SDK1: variants seen among roughly 807,000 people sequenced by gnomAD.
The protein encoded by SDK1 is sidekick cell adhesion molecule 1.
In SDK1, 157 loss-of-function variants were observed where a neutral mutation model predicts 245.5. The observed-to-expected ratio is 0.64, with a 90% CI of 0.56 to 0.73. The LOEUF (loss-of-function observed/expected upper bound fraction) is 0.73, where lower values mean the gene tolerates loss of function less well. Among genes scored for constraint, SDK1 ranks in the 30% least tolerant of loss-of-function variants. The pLI, the probability that SDK1 is intolerant of heterozygous loss-of-function variation, is 0.00. For synonymous variants in SDK1, 1,647 were observed against 1,278.5 expected, an observed-to-expected ratio of 1.29 and a Z score of -6.15; for missense variants, 3,583 against 3,002.3, an observed-to-expected ratio of 1.19 and a Z score of -4.52.
intron 27 of SDK1, 132 bp from the exon 28 acceptor site, chr7:4,132,193 G>C: frequency 1.5e-6 from 1 of 646,432 alleles, no homozygotes; most frequent in Non-Finnish European, 2.7e-6. Flanking sequence ...AAACTTTAGG[G>C]GGTTCTAAAC....
In SDK1 at chr7:4,110,585, A is replaced by T. The variant is rs541560867; in HGVS notation, c.3325-78A>T. 3.0e-6 allele frequency: 3 copies of T among 1,015,648 alleles called. No individual in the cohort carries two copies. In the East Asian group the frequency reaches 7.2e-5, roughly 24 times the overall value. The allele number at this position is 1,015,648 out of a possible 1,614,324, so 62.9% of individuals were successfully genotyped here. A position where few individuals can be genotyped will look rare whatever the true frequency, so the allele number is the denominator to read the frequency against. ...AGCCCTGCCCAGCTCACCAGGTACC[A>T]GCAGGTGCACATGGTCTACATGGCA... is the stretch of plus-strand genomic sequence containing the variant. On this transcript the variant is annotated intron_variant, in intron 22 of 44. Coordinates refer to ENST00000404826, the MANE Select transcript of SDK1 (RefSeq NM_152744.4).
intron 40 of SDK1, among the ~76,000 whole-genome samples, chr7:4,231,573 C>CA (rs35027378): frequency 0.27 from 23,595 of 87,272 alleles, 2,379 homozygotes; most frequent in Non-Finnish European, 0.33. Context: ...GGCCCGGTCT[C>CA]AAAAAAAAAA....
chr7:3,555,468 T>C (rs1429486400), intron 1 of SDK1, among the ~76,000 whole-genome samples: 1 of 152,090 alleles, frequency 6.6e-6, no homozygotes, highest in Non-Finnish European at 1.5e-5. Flanking sequence ...ATTATGAAAC[T>C]AGTAAAAGAA....
At position 4,267,204 on chromosome 7, in the gene SDK1, T is replaced by G. The variant is rs1182029632; in HGVS notation, c.*1820T>G. Reference sequence around the variant, plus strand: ...CCTTCCTTCCCCTCCTTCCTTTCCTTTACCCCTCCTTTCCTTCCTTCCTCC... The same window carrying G: ...CCTTCCTTCCCCTCCTTCCTTTCCTGTACCCCTCCTTTCCTTCCTTCCTCC... On this transcript the variant is annotated 3_prime_UTR_variant, in exon 45 of 45. Transcript: ENST00000404826. 2 of 931,236 alleles carry G rather than the reference T, an allele frequency of 2.1e-6. No homozygotes were observed. The highest frequency in any genetic ancestry group is 2.6e-6 in the Non-Finnish European group (2 of 781,002). The allele number at this position is 931,236 out of a possible 1,614,324, so 57.7% of individuals were successfully genotyped here. A position where few individuals can be genotyped will look rare whatever the true frequency, so the allele number is the denominator to read the frequency against.
Position 3,499,459 on chromosome 7 carries a change from C to A in SDK1, c.299-119621C>A, listed in dbSNP as rs573460393. ...TAGCAAAGTTGAGCTCCAAACTACCCAACTTCAGGTTAACAACATTGCCAG... is the reference window on the plus strand; with the variant it reads ...TAGCAAAGTTGAGCTCCAAACTACCAAACTTCAGGTTAACAACATTGCCAG... On this transcript the variant is annotated intron_variant, in intron 1 of 44. Transcript: ENST00000404826. 1.8e-4 allele frequency among the ~76,000 whole-genome samples: 28 copies of A among 152,220 alleles called. No homozygotes were observed. The South Asian group carries it at 5.8e-3, about 32-fold the overall frequency.
In SDK1 at chr7:3,788,837, G is replaced by A. The variant is rs149327265; in HGVS notation, c.714-32613G>A. On this transcript the variant is annotated intron_variant, in intron 4 of 44. Coordinates refer to ENST00000404826, the MANE Select transcript of SDK1 (RefSeq NM_152744.4). The stretch of plus-strand genomic sequence containing the variant: ...ATTCGCCCTTGCCTCTCCCAGTTCC[G>A]AGAGAGGAGACAGAATTCAGGGCTG... Among the ~76,000 whole-genome samples, 810 of 152,262 alleles carry A rather than the reference G, an allele frequency of 5.3e-3. 11 individuals are homozygous for A. The highest frequency in any genetic ancestry group is 0.021 in the Middle Eastern group (6 of 292).
At chr7:4,226,339 C>G (rs1785444883) in intron 40 of SDK1, among the ~76,000 whole-genome samples, 1 of 152,228 alleles carries the variant, frequency 6.6e-6, no homozygotes, top group African/African-American at 2.4e-5. Context: ...CTCTATCCAG[C>G]TGAGTCTCTA....
At chr7:3,817,668 G>C (rs1307739927) in intron 4 of SDK1, among the ~76,000 whole-genome samples, 1 of 152,142 alleles carries the variant, frequency 6.6e-6, no homozygotes, top group Non-Finnish European at 1.5e-5. Context: ...CTTCCCAGTC[G>C]ATGCCTAGCA....
chr7:4,040,189 G>C (rs903571658), intron 17 of SDK1, among the ~76,000 whole-genome samples: 1 of 152,164 alleles, frequency 6.6e-6, no homozygotes, highest in African/African-American at 2.4e-5. Flanking sequence ...ATTGGATCTT[G>C]CAGTGGGGTA....
At chr7:3,975,905 C>G (rs974049554) in intron 13 of SDK1, among the ~76,000 whole-genome samples, 1 of 148,574 alleles carries the variant, frequency 6.7e-6, no homozygotes, top group Admixed American at 6.7e-5. Flanking sequence ...AAAGCTGCCA[C>G]GTAGAGGGTC....
At chr7:3,638,808 AG>A (rs1244835803) in intron 2 of SDK1, among the ~76,000 whole-genome samples, 195 bp from the exon 3 acceptor site, 1 of 151,740 alleles carries the variant, frequency 6.6e-6, no homozygotes, top group Non-Finnish European at 1.5e-5. Context: ...AAAAAAAAAA[AG>A]AAATAAATGG....
At chr7:3,634,442 G>T (rs906772297) in intron 2 of SDK1, among the ~76,000 whole-genome samples, 7 of 152,114 alleles carry the variant, frequency 4.6e-5, no homozygotes, top group African/African-American at 1.7e-4. Context: ...TATTTTCTTT[G>T]CCATTCCTGA....
chr7:3,943,858 C>G (rs1340375252), intron 5 of SDK1, among the ~76,000 whole-genome samples: 1 of 152,110 alleles, frequency 6.6e-6, no homozygotes, highest in East Asian at 1.9e-4. Flanking sequence ...CTTCATTTCC[C>G]TCTGCTGCGT....
chr7:3,436,509 A>T (rs1002565712), intron 1 of SDK1, among the ~76,000 whole-genome samples: 2 of 152,188 alleles, frequency 1.3e-5, no homozygotes, highest in African/African-American at 4.8e-5. Context: ...TCTGTATGCA[A>T]GGAGTTTTGC....
intron 16 of SDK1, among the ~76,000 whole-genome samples, chr7:4,015,268 G>C (rs975322129): frequency 2.0e-5 from 3 of 152,150 alleles, no homozygotes; most frequent in African/African-American, 7.2e-5. Context: ...TCCGATGCTG[G>C]TTCCTCAGCT....
At chr7:3,530,623 A>G (rs1441539928) in intron 1 of SDK1, among the ~76,000 whole-genome samples, 4 of 152,256 alleles carry the variant, frequency 2.6e-5, no homozygotes, top group African/African-American at 9.6e-5. Flanking sequence ...TAACATTAAA[A>G]ATACTTTCAC....
At chr7:3,490,884 T>C (rs962855315) in intron 1 of SDK1, among the ~76,000 whole-genome samples, 1 of 152,204 alleles carries the variant, frequency 6.6e-6, no homozygotes, top group Non-Finnish European at 1.5e-5. Flanking sequence ...ACAGGGAGAA[T>C]GATAGATTTT....
chr7:4,247,297 T>C lies in SDK1; in HGVS notation c.6381+1492T>C, dbSNP rs114307078. On this transcript the variant is annotated intron_variant, in intron 44 of 44. Transcript: ENST00000404826. ...AGCAGGTGGGTGTGGTGAGGCCGAT[T>C]CTGCTTTGCTTTGCGTGTTCTGTTT... Among the ~76,000 whole-genome samples the C allele has an allele frequency of 3.0e-3, 457 of 152,302 alleles. 3 individuals carry two copies. The highest frequency in any genetic ancestry group is 0.011 in the African/African-American group (437 of 41,558).
chr7:3,671,625 G>T (rs1428537024), intron 4 of SDK1, among the ~76,000 whole-genome samples: 1 of 152,140 alleles, frequency 6.6e-6, no homozygotes, highest in Non-Finnish European at 1.5e-5. Flanking sequence ...TCCAAGTGAA[G>T]AGTGTTTAAA....
Sources: gnomAD v4.1 joint callset for allele counts (sites outside exome capture counted in the v4.1 genomes callset) on GRCh38, gnomAD v4.1.1 for gene constraint, MANE v1.5 for transcripts, NCBI Gene and HGNC (gene_info 2026-07-23, HGNC 2026-07-21) for gene names.